The following CENPI variants were observed in gnomAD, a reference collection of about 807,000 sequenced individuals.
CENPI encodes the protein FSH primary response 1.
CENPI carries 4 observed loss-of-function variants against 60.4 expected under a neutral mutation model. The ratio of observed to expected loss-of-function variants is 0.07; its 90% CI spans 0.03 to 0.15. The LOEUF is 0.15. Ranked by LOEUF, CENPI falls within the 10% of genes least tolerant of loss-of-function variation. The pLI is 1.00. For missense variants in CENPI, 444 were observed against 534.5 expected, an observed-to-expected ratio of 0.83 and a Z score of 1.67; for synonymous variants, 157 against 189.4, an observed-to-expected ratio of 0.83 and a Z score of 1.40.
chrX:101,102,379 T>G lies in CENPI; in HGVS notation c.332T>G (p.Ile111Ser), dbSNP rs779494823. ...GGGTTAGCTTCAGAAGAAATTGATATTCTATTAAATATTGCACTCAGTGGC... is the reference window on the plus strand; with the variant it reads ...GGGTTAGCTTCAGAAGAAATTGATAGTCTATTAAATATTGCACTCAGTGGC... ...KNGLASEEID[I>S]LLNIALSGKF... Residue 111 changes from isoleucine to serine, a missense_variant, in exon 4 of 22, where the codon ATT becomes AGT. Ile to Ser is a moderately radical substitution (Grantham distance 142). Coordinates refer to ENST00000682095, the MANE Select transcript of CENPI (RefSeq NM_001386188.2). 2 of 1,193,652 alleles carry G rather than the reference T, an allele frequency of 1.7e-6. No individual in the cohort carries two copies. Among genetic ancestry groups the G allele is most frequent in the Non-Finnish European group, 1.1e-6 (1 of 884,928 alleles).
intron 2 of CENPI, among the ~76,000 whole-genome samples, chrX:101,099,431 CAAA>C (rs551596409): frequency 3.5e-5 from 3 of 84,660 alleles, no homozygotes. Flanking sequence ...GAGACTGTCT[CAAA>C]AAAAAAAAAA....
chrX:101,170,928 GC>G (rs1434761016), downstream of CENPI, among the ~76,000 whole-genome samples: 1 of 111,836 alleles, frequency 8.9e-6, no homozygotes, highest in East Asian at 2.8e-4. Flanking sequence ...ACTGCACCTG[GC>G]CTCCAATGCA....
intron 16 of CENPI, among the ~76,000 whole-genome samples, chrX:101,142,114 G>A (rs1395187923): frequency 4.5e-5 from 5 of 111,667 alleles, no homozygotes; most frequent in African/African-American, 6.5e-5. Flanking sequence ...ATATTTGTTC[G>A]TTCTCTATTC....
intron 4 of CENPI, among the ~76,000 whole-genome samples, chrX:101,109,086 T>G (rs979406485): frequency 1.1e-5 from 1 of 94,817 alleles, no homozygotes; most frequent in Admixed American, 1.2e-4. Flanking sequence ...TTTTTTTTTT[T>G]TTTTTTTTTT....
At chrX:101,138,375 G>A (rs2089872426) in intron 15 of CENPI, among the ~76,000 whole-genome samples, 1 of 106,115 alleles carries the variant, frequency 9.4e-6, no homozygotes, top group Non-Finnish European at 1.9e-5. Context: ...GTCTCACTCT[G>A]TCGCCAGGAT....
At position 101,120,274 on chromosome X, in the gene CENPI, C is replaced by T. The variant is rs1394305788; in HGVS notation, c.592-128C>T. On this transcript the variant is annotated intron_variant, in intron 6 of 21. Coordinates refer to ENST00000682095, the MANE Select transcript of CENPI (RefSeq NM_001386188.2). ...TAGGAAAAAGAGACTCTTTGTAAAA[C>T]TATTGTTCAGTGAAGTCCTGAAGGT... 8.4e-6 allele frequency: 3 copies of T among 357,061 alleles called. No homozygotes were observed. The South Asian group carries it at 2.1e-4, about 25-fold the overall frequency. 29.4% of individuals were successfully genotyped at this position (357,061 alleles called of 1,213,427 possible).
Position 101,165,932 on chromosome X carries a change from A to G in CENPI, c.*2965A>G, listed in dbSNP as rs1007589150. 8.9e-6 allele frequency among the ~76,000 whole-genome samples: 1 copy of G among 112,153 alleles called. No individual in the cohort carries two copies. Among genetic ancestry groups the G allele is most frequent in the African/African-American group, 3.2e-5 (1 of 30,917 alleles). On this transcript the variant is annotated 3_prime_UTR_variant, in exon 22 of 22. Coordinates refer to ENST00000682095, the MANE Select transcript of CENPI (RefSeq NM_001386188.2). ...AACTTTCCATATTGCTTTTCAGATC[A>G]TGATATTTTGGTCCTTAAGATCATG...
At chrX:101,151,447 G>A (rs2148243747) in intron 20 of CENPI, among the ~76,000 whole-genome samples, 1 of 111,510 alleles carries the variant, frequency 9.0e-6, no homozygotes, top group East Asian at 2.8e-4. Flanking sequence ...TTTTGGCCTT[G>A]TAACTCCTTA....
rs1338678293 is a variant in CENPI, at chrX:101,126,782, T to C, written c.761T>C (p.Leu254Ser). The change falls in exon 9 of 22, where the codon TTG (leucine) becomes TCG (serine). Residue 254 changes from leucine (L) to serine (S), a missense_variant. Leu to Ser is a moderately radical substitution (Grantham distance 145). Coordinates refer to ENST00000682095, the MANE Select transcript of CENPI (RefSeq NM_001386188.2). Reference sequence around the variant, plus strand: ...GCTCCTGCTCTGATTTCAGTATCTTTGCCTGTAAGGAAGAAGGTAAGGGAT... The same window carrying C: ...GCTCCTGCTCTGATTTCAGTATCTTCGCCTGTAAGGAAGAAGGTAAGGGAT... ...FFAPALISVSLPVRKKIYFKN... is the reference protein window; with the variant it reads ...FFAPALISVSSPVRKKIYFKN... The C allele has an allele frequency of 8.4e-7, 1 of 1,195,001 alleles. No homozygotes were observed. The highest frequency in any genetic ancestry group is 1.1e-6 in the Non-Finnish European group (1 of 881,719).
chrX:101,163,267 G>T lies in CENPI; in HGVS notation c.*300G>T. 1 of 220,660 alleles carries T rather than the reference G, an allele frequency of 4.5e-6. No individual in the cohort carries two copies. Among genetic ancestry groups the T allele is most frequent in the Non-Finnish European group, 8.0e-6 (1 of 124,344 alleles). The allele number at this position is 220,660 out of a possible 1,213,427, so 18.2% of individuals were successfully genotyped here. A position where few individuals can be genotyped will look rare whatever the true frequency, so the allele number is the denominator to read the frequency against. On this transcript the variant is annotated 3_prime_UTR_variant, in exon 22 of 22. Coordinates refer to ENST00000682095, the MANE Select transcript of CENPI (RefSeq NM_001386188.2). ...TGTGGTAGGATTTTTTCACATTTTT[G>T]GGTACTATGAGCTGCATTGATGGAA...
chrX:101,121,533 C>A (rs1379927377), intron 8 of CENPI, among the ~76,000 whole-genome samples: 1 of 109,783 alleles, frequency 9.1e-6, no homozygotes, highest in African/African-American at 3.3e-5. Flanking sequence ...AGGTGATCTG[C>A]CTGCCTCGGC....
At chrX:101,147,040 G>A (rs2089968396) in intron 18 of CENPI, among the ~76,000 whole-genome samples, 1 of 111,885 alleles carries the variant, frequency 8.9e-6, no homozygotes, top group Admixed American at 9.5e-5. Flanking sequence ...TCAGCTTAGT[G>A]TAGACCTTCT....
the CENPI span, among the ~76,000 whole-genome samples, chrX:101,177,818 C>A: frequency 8.9e-6 from 1 of 112,091 alleles, no homozygotes; most frequent in Non-Finnish European, 1.9e-5. Context: ...GCCCTCGTGG[C>A]ACAGTGAGCT....
chrX:101,151,362 T>C (rs2090004380), intron 20 of CENPI, among the ~76,000 whole-genome samples: 2 of 111,997 alleles, frequency 1.8e-5, no homozygotes, highest in South Asian at 7.4e-4. Context: ...CAAATTCCTC[T>C]GGATTGGCAA....
intron 4 of CENPI, 63 bp from the exon 5 acceptor site, chrX:101,109,410 A>G: frequency 1.1e-6 from 1 of 897,293 alleles, no homozygotes; most frequent in Non-Finnish European, 1.6e-6. Context: ...CCAAGAGTGA[A>G]TAATAGTAAA....
intron 20 of CENPI, among the ~76,000 whole-genome samples, chrX:101,148,930 A>G (rs1366415107): frequency 8.9e-6 from 1 of 111,951 alleles, no homozygotes; most frequent in Non-Finnish European, 1.9e-5. Context: ...AGTGAATAAG[A>G]CACTCTGAGT....
chrX:101,112,655 T>C (rs909890948), intron 6 of CENPI, among the ~76,000 whole-genome samples: 1 of 112,139 alleles, frequency 8.9e-6, no homozygotes, highest in Non-Finnish European at 1.9e-5. Context: ...ACAGAATTAA[T>C]ATAGAAGCAC....
Position 101,140,760 on chromosome X carries a change from T to C in CENPI, c.1565T>C (p.Leu522Pro), listed in dbSNP as rs777749642. The C allele has an allele frequency of 6.9e-6, 8 of 1,151,649 alleles. No homozygotes were observed. The highest frequency in any genetic ancestry group is 9.5e-6 in the Non-Finnish European group (8 of 840,647). 94.9% of individuals were successfully genotyped at this position (1,151,649 alleles called of 1,213,427 possible). A position where few individuals can be genotyped will look rare whatever the true frequency, so the allele number is the denominator to read the frequency against. Residue 522 changes from leucine to proline, a missense_variant and splice_region_variant, in exon 16 of 22, where the codon CTA becomes CCA. Coordinates refer to ENST00000682095, the MANE Select transcript of CENPI (RefSeq NM_001386188.2). The stretch of plus-strand genomic sequence containing the variant: ...ATGAAACCTGTTACAAACAGTCCTC[T>C]GTGAGTTATCTAACGGTCTTCCACA... Reference protein sequence around the residue: ...IHMKPVTNSPLETTLGGSMNS... With the variant: ...IHMKPVTNSPPETTLGGSMNS...
At chrX:101,110,111 TATATC>T (rs1269375096) in intron 6 of CENPI, 113 bp downstream of exon 6, 15 of 393,833 alleles carry the variant, frequency 3.8e-5, no homozygotes, top group African/African-American at 2.8e-4. Flanking sequence ...ATTTTAAAAA[TATATC>T]AAACATATAG....
Sources: gnomAD v4.1 joint callset for allele counts (sites outside exome capture counted in the v4.1 genomes callset) on GRCh38, gnomAD v4.1.1 for gene constraint, MANE v1.5 for transcripts, NCBI Gene and HGNC (gene_info 2026-07-23, HGNC 2026-07-21) for gene names.